Variants in COL6A6 observed in about 807,000 individuals in gnomAD.
The protein encoded by COL6A6 is collagen alpha-6(VI) chain.
Under a neutral mutation model 208.6 loss-of-function variants are expected in COL6A6, and 183 were observed. The observed-to-expected ratio is 0.88, with a 90% CI of 0.78 to 0.99. The LOEUF is 0.99. COL6A6 is among the 50% of genes least tolerant of loss of function. The pLI is 0.00. For missense variants in COL6A6, 2,816 were observed against 2,815.2 expected, an observed-to-expected ratio of 1.00 and a Z score of -0.01; for synonymous variants, 973 against 1,011.8, an observed-to-expected ratio of 0.96 and a Z score of 0.73.
intron 13 of COL6A6, among the ~76,000 whole-genome samples, 159 bp from the exon 14 acceptor site, chr3:130,592,380 ATC>A (rs1250674136): frequency 6.6e-6 from 1 of 152,176 alleles, no homozygotes; most frequent in Non-Finnish European, 1.5e-5. Context: ...TCATCAGGGT[ATC>A]TCTGATTTAT....
Position 130,649,185 on chromosome 3 carries a change from G to A in COL6A6, c.5356G>A (p.Asp1786Asn). The change falls in exon 33 of 37, where the codon GAC becomes AAC. Residue 1786 changes from aspartate to asparagine, a missense_variant. Transcript: ENST00000358511. Reference sequence around the variant, plus strand: ...GGAGATGATGGCTTTCCTGGTGAGAGACATTAAGGTCCGGGAGAACAGCTG... The same window carrying A: ...GGAGATGATGGCTTTCCTGGTGAGAAACATTAAGGTCCGGGAGAACAGCTG... The part of the protein sequence containing the change: ...MKEMMAFLVR[D>N]IKVRENSCPV... 6.3e-7 allele frequency: 1 copy of A among 1,595,508 alleles called. No homozygotes were observed. The highest frequency in any genetic ancestry group is 1.1e-5 in the South Asian group (1 of 87,664).
intron 11 of COL6A6, among the ~76,000 whole-genome samples, chr3:130,586,977 A>T (rs967699730): frequency 2.0e-5 from 3 of 152,218 alleles, no homozygotes; most frequent in African/African-American, 7.2e-5. Flanking sequence ...AGAATCTGAG[A>T]TGCGAGCGTG....
intron 26 of COL6A6, 30 bp from the exon 27 acceptor site, chr3:130,634,560 T>C (rs555752574): frequency 1.9e-6 from 3 of 1,586,750 alleles, no homozygotes; most frequent in East Asian, 4.5e-5. Flanking sequence ...GATGTGTGCC[T>C]GTATAAATCT....
chr3:130,605,372 C>CTG (rs764831606), intron 20 of COL6A6, among the ~76,000 whole-genome samples: 112 of 143,060 alleles, frequency 7.8e-4, no homozygotes, highest in Middle Eastern at 3.5e-3. Flanking sequence ...GAGGTCAGGA[C>CTG]TGTGTGTGTG....
rs531815024 is a variant in COL6A6, at chr3:130,609,106, A to G, written c.4752+142A>G. On this transcript the variant is annotated intron_variant, in intron 22 of 36. Coordinates refer to ENST00000358511, the MANE Select transcript of COL6A6 (RefSeq NM_001102608.3). ...CTCATGGTAATAAAGTAAGGAAGCA[A>G]CACAGTTTGGACTCATGCAGCACTT... 8 of 663,774 alleles carry G rather than the reference A, an allele frequency of 1.2e-5. No individual in the cohort carries two copies. In the African/African-American group the frequency reaches 1.5e-4, roughly 12 times the overall value. 41.1% of individuals were successfully genotyped at this position (663,774 alleles called of 1,614,324 possible).
intron 1 of COL6A6, among the ~76,000 whole-genome samples, chr3:130,539,222 C>T (rs2062297235): frequency 6.6e-6 from 1 of 152,224 alleles, no homozygotes; most frequent in African/African-American, 2.4e-5. Flanking sequence ...CCCCTGCTGG[C>T]CGCCATGGCT....
intron 1 of COL6A6, among the ~76,000 whole-genome samples, chr3:130,524,622 C>T (rs777972282): frequency 6.6e-6 from 1 of 150,558 alleles, no homozygotes; most frequent in African/African-American, 2.5e-5. Flanking sequence ...CTTTTTACTT[C>T]CAAAAGCATG....
intron 23 of COL6A6, among the ~76,000 whole-genome samples, chr3:130,619,606 G>A (rs1576342410): frequency 6.6e-6 from 1 of 152,188 alleles, no homozygotes; most frequent in Non-Finnish European, 1.5e-5. Flanking sequence ...TAAAAAGGGT[G>A]GAGAATGGAT....
At chr3:130,533,927 G>A (rs6807406) in intron 1 of COL6A6, among the ~76,000 whole-genome samples, 2,145 of 152,270 alleles carry the variant, frequency 0.014, 50 homozygotes, top group African/African-American at 0.048. Flanking sequence ...ATATTCCCAC[G>A]TATGTGTGTG....
chr3:130,521,562 A>G (rs1388803480), intron 1 of COL6A6, among the ~76,000 whole-genome samples: 1 of 152,214 alleles, frequency 6.6e-6, no homozygotes, highest in African/African-American at 2.4e-5. Flanking sequence ...CTCAATATCC[A>G]GGCTTTTCTC....
rs753437253 is a variant in COL6A6, at chr3:130,567,143, C to G, written c.1724C>G (p.Ala575Gly). The change falls in exon 5 of 37, where the codon GCC (alanine) becomes GGC (glycine). Residue 575 changes from alanine (A) to glycine (G), a missense_variant. Transcript: ENST00000358511. ...GTTTATGCTATCGGGATCAAGGAGG[C>G]CAACCAAACACAGCTGAGAGAAATT... ...IRVYAIGIKEANQTQLREIAG... is the reference protein window; with the variant it reads ...IRVYAIGIKEGNQTQLREIAG... 6.2e-6 allele frequency: 10 copies of G among 1,613,720 alleles called. No homozygotes were observed. In the Admixed American group the frequency reaches 1.0e-4, roughly 16 times the overall value.
In COL6A6 at chr3:130,642,825, T is replaced by C. The variant is rs1351256831; in HGVS notation, c.5155-7T>C. ...GCATTAAAACAATGTTTTGTTTGTTTTCCTAGGGTGTGAAAGGAGCCAAAG... is the reference window on the plus strand; with the variant it reads ...GCATTAAAACAATGTTTTGTTTGTTCTCCTAGGGTGTGAAAGGAGCCAAAG... On this transcript the variant is annotated splice_region_variant and splice_polypyrimidine_tract_variant and intron_variant, in intron 29 of 36. Transcript: ENST00000358511. 1.2e-6 allele frequency: 2 copies of C among 1,613,544 alleles called. No individual in the cohort carries two copies.
In COL6A6 at chr3:130,574,167, ATCATT is replaced by A; in HGVS notation, c.3193_3197del (p.Phe1065AspfsTer2). 1 of 1,614,054 alleles carries A rather than the reference ATCATT, an allele frequency of 6.2e-7. No individual in the cohort carries two copies. Among genetic ancestry groups the A allele is most frequent in the Non-Finnish European group, 8.5e-7 (1 of 1,179,880 alleles). ...GAACTTTCATAGGTGAAAAAGAGAT[ATCATT>A]TCAGATTGAAAACATCAAGCAGATC... On this transcript the variant is annotated frameshift_variant, in exon 8 of 37. Coordinates refer to ENST00000358511, the MANE Select transcript of COL6A6 (RefSeq NM_001102608.3). LOFTEE classifies it high-confidence loss of function.
rs1559800413 is a variant in COL6A6 at position 130,662,138 on chromosome 3, A to G, written c.6332A>G (p.Gln2111Arg). 1 of 1,613,904 alleles carries G rather than the reference A, an allele frequency of 6.2e-7. No individual in the cohort carries two copies. Among genetic ancestry groups the G allele is most frequent in the Non-Finnish European group, 8.5e-7 (1 of 1,179,902 alleles). Reference protein sequence around the residue: ...LKKESLRAKCQGYALFVFSLG... With the variant: ...LKKESLRAKCRGYALFVFSLG... ...AAGGAATCCTTGCGAGCCAAATGTC[A>G]GGGATATGCCTTATTTGTGTTTTCC... Residue 2111 changes from glutamine to arginine, a missense_variant, in exon 35 of 37, where the codon CAG becomes CGG. Gln to Arg is a conservative substitution (Grantham distance 43). Coordinates refer to ENST00000358511, the MANE Select transcript of COL6A6 (RefSeq NM_001102608.3).
At chr3:130,635,582 CTG>C (rs1284276007) in intron 27 of COL6A6, 115 bp from the exon 28 acceptor site, 5 of 675,170 alleles carry the variant, frequency 7.4e-6, no homozygotes, top group Non-Finnish European at 1.0e-5. Context: ...TCAAAGATGA[CTG>C]TTAAAAATGC....
In COL6A6 at chr3:130,571,227, G is replaced by T. The variant is rs758585053; in HGVS notation, c.2811G>T (p.Arg937=). The change falls in exon 7 of 37, where the codon CGG becomes CGT. Residue 937 remains arginine (R), a synonymous_variant. Transcript: ENST00000358511. ...DKLNATAKAL[R]DKGILVLAVG... is the part of the protein sequence containing the mutation. ...TCAATGCCACGGCAAAGGCCTTGCG[G>T]GACAAAGGCATTCTTGTCCTGGCTG... is the stretch of plus-strand genomic sequence containing the variant. The T allele has an allele frequency of 6.2e-7, 1 of 1,613,988 alleles. No individual in the cohort carries two copies. Among genetic ancestry groups the T allele is most frequent in the Non-Finnish European group, 8.5e-7 (1 of 1,179,880 alleles).
intron 20 of COL6A6, among the ~76,000 whole-genome samples, chr3:130,601,372 C>T (rs1310060813): frequency 1.3e-5 from 2 of 152,090 alleles, no homozygotes; most frequent in Admixed American, 6.6e-5. Flanking sequence ...CTTTGCAAGG[C>T]AGAGAAAATG....
At chr3:130,658,569 T>G in intron 33 of COL6A6, 107 bp from the exon 34 acceptor site, 2 of 723,788 alleles carry the variant, frequency 2.8e-6, no homozygotes, top group Admixed American at 4.4e-5. Context: ...CGTACCTTCT[T>G]AGAAGGAGCA....
chr3:130,641,958 T>C (rs1270074217), intron 29 of COL6A6, among the ~76,000 whole-genome samples: 1 of 152,138 alleles, frequency 6.6e-6, no homozygotes, highest in African/African-American at 2.4e-5. Context: ...TAAACTAAAA[T>C]GGTATTTCTC....
Sources: allele counts gnomAD v4.1 joint callset (sites outside exome capture counted in the v4.1 genomes callset), GRCh38; gene constraint gnomAD v4.1.1; transcripts MANE v1.5; gene names NCBI Gene and HGNC (gene_info 2026-07-23, HGNC 2026-07-21).